The following ZDHHC11 variants were observed in gnomAD, a reference collection of about 807,000 sequenced individuals.
The protein encoded by ZDHHC11 is palmitoyltransferase ZDHHC11.
In ZDHHC11, 44 loss-of-function variants were observed where a neutral mutation model predicts 51.3. The observed-to-expected ratio is 0.86, with a 90% CI of 0.67 to 1.10. The LOEUF (loss-of-function observed/expected upper bound fraction) is 1.10. Among genes scored for constraint, ZDHHC11 ranks in the 50% least tolerant of loss-of-function variants. The probability of loss-of-function intolerance (pLI) is 0.00; values close to 1 mark genes in which losing one functional copy is unlikely to be tolerated. For missense variants in ZDHHC11, 400 were observed against 537.7 expected, an observed-to-expected ratio of 0.74 and a Z score of 2.53; for synonymous variants, 163 against 222.0, an observed-to-expected ratio of 0.73 and a Z score of 2.36.
At chr5:849,126 C>A (rs1000994876) in intron 1 of ZDHHC11, among the ~76,000 whole-genome samples, 36 of 152,204 alleles carry the variant, frequency 2.4e-4, no homozygotes, top group Non-Finnish European at 4.4e-5. Context: ...GCACACACAG[C>A]CCTGCTTACC....
intron 6 of ZDHHC11, among the ~76,000 whole-genome samples, chr5:834,466 G>A (rs1186076748): frequency 6.6e-6 from 1 of 152,386 alleles, no homozygotes; most frequent in Non-Finnish European, 1.5e-5. Flanking sequence ...TTCCCATTGT[G>A]TCCAGCCCTC....
chr5:825,476 C>A (rs1213631072), intron 7 of ZDHHC11, among the ~76,000 whole-genome samples: 1 of 152,146 alleles, frequency 6.6e-6, no homozygotes, highest in South Asian at 2.1e-4. Context: ...CTCTTTGCCA[C>A]TGGGACAATG....
intron 11 of ZDHHC11, among the ~76,000 whole-genome samples, chr5:805,862 G>C (rs181135172): frequency 6.6e-6 from 1 of 151,274 alleles, no homozygotes; most frequent in African/African-American, 2.4e-5. Context: ...CTGAGATATG[G>C]AGGGTCCCAG....
Position 858,116 on chromosome 5 carries a change from C to T in ZDHHC11, c.-1+758G>A, listed in dbSNP as rs370113235. Among the ~76,000 whole-genome samples, 7 of 139,046 alleles carry T rather than the reference C, an allele frequency of 5.0e-5. No homozygotes were observed. In the East Asian group the frequency reaches 1.1e-3, roughly 22 times the overall value. 91.2% of individuals were successfully genotyped at this position (139,046 alleles called of 152,430 possible). A position where few individuals can be genotyped will look rare whatever the true frequency, so the allele number is the denominator to read the frequency against. On this transcript the variant is annotated intron_variant, in intron 1 of 3. Coordinates refer to the ZDHHC11 transcript ENST00000685990. ...GGCCCCTAGAGTCTGTCCTGGTCCCCGTCCTATCTTTATGACACCGTGGTC... is the reference window on the plus strand; with the variant it reads ...GGCCCCTAGAGTCTGTCCTGGTCCCTGTCCTATCTTTATGACACCGTGGTC...
chr5:834,281 A>AT (rs1167675055), intron 6 of ZDHHC11, among the ~76,000 whole-genome samples: 2 of 152,274 alleles, frequency 1.3e-5, no homozygotes, highest in Non-Finnish European at 2.9e-5. Context: ...TGGCATCCAT[A>AT]TATCTATACA....
intron 12 of ZDHHC11, among the ~76,000 whole-genome samples, chr5:796,840 A>T (rs1291499691): frequency 6.6e-6 from 1 of 152,194 alleles, no homozygotes; most frequent in Non-Finnish European, 1.5e-5. Flanking sequence ...GACAGAGGCC[A>T]TTTTCTATTG....
Position 813,390 on chromosome 5 carries a change from G to T in ZDHHC11, c.1181+1371C>A, listed in dbSNP as rs185940692. 5.0e-3 allele frequency among the ~76,000 whole-genome samples: 708 copies of T among 142,546 alleles called. 60 individuals carry two copies. The highest frequency in any genetic ancestry group is 0.019 in the African/African-American group (674 of 36,038). The allele number at this position is 142,546 out of a possible 152,430, so 93.5% of individuals were successfully genotyped here. A position where few individuals can be genotyped will look rare whatever the true frequency, so the allele number is the denominator to read the frequency against. On this transcript the variant is annotated intron_variant, in intron 11 of 12. Transcript: ENST00000283441. ...TGATCCAGGGCAGCTGGGTTGGGAG[G>T]ATGAGGCCAGCTGGGTGCACTCATC... is the stretch of plus-strand genomic sequence containing the variant.
chr5:860,250 G>A (rs1333250649), upstream of ZDHHC11, among the ~76,000 whole-genome samples: 9 of 152,228 alleles, frequency 5.9e-5, no homozygotes, highest in Admixed American at 5.2e-4. This position sits in a 1 kb window ranked among gnomAD's most constrained non-coding sequence, Gnocchi z 4.2. Context: ...TCTGGCCAGA[G>A]AGGCTGAGAC....
In ZDHHC11 at chr5:823,600, T is replaced by A. The variant is rs6555514; in HGVS notation, c.1023+1564A>T. On this transcript the variant is annotated intron_variant, in intron 8 of 12. Coordinates refer to ENST00000283441, the MANE Select transcript of ZDHHC11 (RefSeq NM_024786.3). ...GGACGCGGGTGTCAGTGAAGTCACG[T>A]GCATTTTCAGATGGAATTCTCCTCC... is the stretch of plus-strand genomic sequence containing the variant. 2.4e-5 allele frequency: 4 copies of A among 165,098 alleles called. No individual in the cohort carries two copies. The East Asian group carries it at 6.1e-4, about 25-fold the overall frequency. The allele number at this position is 165,098 out of a possible 1,614,324, so 10.2% of individuals were successfully genotyped here.
At chr5:818,775 C>T (rs943990879) in intron 10 of ZDHHC11, among the ~76,000 whole-genome samples, 1 of 151,468 alleles carries the variant, frequency 6.6e-6, no homozygotes, top group Non-Finnish European at 1.5e-5. Context: ...GTGGGAAGAT[C>T]GCTTGAGCCC....
chr5:820,923 C>T (rs774015256), intron 9 of ZDHHC11, among the ~76,000 whole-genome samples: 5 of 151,212 alleles, frequency 3.3e-5, no homozygotes, highest in Non-Finnish European at 5.9e-5. Context: ...CAGACACAGA[C>T]CTGGGCCTGT....
At chr5:859,390 C>T (rs1290798825), upstream of ZDHHC11, among the ~76,000 whole-genome samples, 1 of 152,120 alleles carries the variant, frequency 6.6e-6, no homozygotes, top group Non-Finnish European at 1.5e-5. Context: ...CCTGAAAAGC[C>T]CCTGAGCTGA....
intron 9 of ZDHHC11, among the ~76,000 whole-genome samples, chr5:820,670 T>A (rs1446646496): frequency 6.6e-6 from 1 of 151,118 alleles, no homozygotes; most frequent in Admixed American, 6.6e-5. Flanking sequence ...TGTGATGTGG[T>A]CCCCTCCCAA....
intron 11 of ZDHHC11, among the ~76,000 whole-genome samples, chr5:813,031 T>C (rs1017620953): frequency 2.1e-5 from 3 of 143,914 alleles, no homozygotes; most frequent in Admixed American, 7.1e-5. Flanking sequence ...TATTAAATTC[T>C]CCCCCATCTA....
At chr5:828,277 C>T (rs974181593) in intron 7 of ZDHHC11, among the ~76,000 whole-genome samples, 7 of 151,308 alleles carry the variant, frequency 4.6e-5, no homozygotes, top group Admixed American at 1.3e-4. Flanking sequence ...GGGTGGTGGC[C>T]GGGCAGAGGG....
Position 819,505 on chromosome 5 carries a change from C to T in ZDHHC11, c.1146+20G>A, listed in dbSNP as rs376733111. 6.9e-6 allele frequency: 11 copies of T among 1,602,414 alleles called. No individual in the cohort carries two copies. Among genetic ancestry groups the T allele is most frequent in the African/African-American group, 5.3e-5 (4 of 74,828 alleles). ...CACATGGCCCTGTCCTCGGGGACAG[C>T]GCCAGTGATTGCAACTTACCTGTGC... On this transcript the variant is annotated intron_variant, in intron 10 of 12. Transcript: ENST00000283441.
rs753546566 is a variant in ZDHHC11, at chr5:833,773, C to G, written c.935G>C (p.Gly312Ala). The G allele has an allele frequency of 1.3e-6, 2 of 1,515,076 alleles. No individual in the cohort carries two copies. The highest frequency in any genetic ancestry group is 1.4e-5 in the African/African-American group (1 of 72,966). 93.9% of individuals were successfully genotyped at this position (1,515,076 alleles called of 1,614,324 possible). Residue 312 changes from glycine to alanine, a missense_variant and splice_region_variant, in exon 7 of 13, where the codon GGA becomes GCA. By Grantham distance (60) the Gly-to-Ala change is moderately conservative. This residue lies in a region of ZDHHC11 where 231 missense variants were observed against 227.4 expected (regional missense o/e 1.02). Coordinates refer to ENST00000283441, the MANE Select transcript of ZDHHC11 (RefSeq NM_024786.3). ...GAGALGSSAQ[G>A]VKAKSSLLIH... ...CTACTGCAGGAAGCTTGCAACTTACCCCTGTGCAGATGAGCCCAGGGCGCC... is the reference window on the plus strand; with the variant it reads ...CTACTGCAGGAAGCTTGCAACTTACGCCTGTGCAGATGAGCCCAGGGCGCC...
chr5:853,686 A>C (rs1186689189), upstream of ZDHHC11, among the ~76,000 whole-genome samples: 1 of 150,188 alleles, frequency 6.7e-6, no homozygotes, highest in Non-Finnish European at 1.5e-5. Flanking sequence ...GACAGACCCC[A>C]TGTAGGACAG....
chr5:811,296 A>G (rs1323055229), intron 11 of ZDHHC11, among the ~76,000 whole-genome samples: 3 of 138,906 alleles, frequency 2.2e-5, no homozygotes, highest in African/African-American at 8.7e-5. Flanking sequence ...AATTCACTAA[A>G]TCAAAGAAAA....
Sources: allele counts gnomAD v4.1 joint callset (sites outside exome capture counted in the v4.1 genomes callset), GRCh38; gene constraint gnomAD v4.1.1; regional missense constraint gnomAD v4.1.1; non-coding constraint Gnocchi (gnomAD v3.1); transcripts MANE v1.5; gene names NCBI Gene and HGNC (gene_info 2026-07-23, HGNC 2026-07-21).